SRRM5: variants seen among roughly 807,000 people sequenced by gnomAD.
The protein encoded by SRRM5 is serine/arginine repetitive matrix 5.
A neutral mutation model predicts 1.3 loss-of-function variants in SRRM5; 1 was observed. The ratio of observed to expected loss-of-function variants is 0.76; its 90% CI spans 0.27 to 3.59. SRRM5 has a LOEUF of 3.59. SRRM5 is among the 30% of genes most tolerant of loss of function. The pLI is 0.19. For missense variants in SRRM5, 875 were observed against 914.5 expected, an observed-to-expected ratio of 0.96 and a Z score of 0.56; for synonymous variants, 275 against 320.2, an observed-to-expected ratio of 0.86 and a Z score of 1.51.
chr19:43,613,215 A>G lies in SRRM5; in HGVS notation c.1094A>G (p.His365Arg). 30 of 1,551,694 alleles carry G rather than the reference A, an allele frequency of 1.9e-5. No homozygotes were observed. Among genetic ancestry groups the G allele is most frequent in the Non-Finnish European group, 2.6e-5 (30 of 1,146,986 alleles). ...AGAAACCCCAGCAAGGAAAGAAGTCATAGCCATTCCAGAAGCTCCAGCAAA... is the reference window on the plus strand; with the variant it reads ...AGAAACCCCAGCAAGGAAAGAAGTCGTAGCCATTCCAGAAGCTCCAGCAAA... ...WSRNPSKERS[H>R]SHSRSSSKER... Residue 365 changes from histidine (H) to arginine (R), a missense_variant, in exon 1 of 1, where the codon CAT becomes CGT. Transcript: ENST00000417606.
At position 43,613,976 on chromosome 19, in the gene SRRM5, C is replaced by T; in HGVS notation, c.1855C>T (p.Arg619Ter). The change falls in exon 3 of 3, where the codon CGA becomes TGA. Residue 619 changes from arginine (R) to a stop codon, truncating the protein, a stop_gained. Transcript: ENST00000607544. LOFTEE classifies it low-confidence loss of function (END_TRUNC). ...CTCCAGCAAGGAGAAAGCTCATAGCCGATCTAGAACCCCCAGCAAAGAAGG... is the reference window on the plus strand; with the variant it reads ...CTCCAGCAAGGAGAAAGCTCATAGCTGATCTAGAACCCCCAGCAAAGAAGG... The T allele has an allele frequency of 2.6e-6, 4 of 1,551,694 alleles. No homozygotes were observed. The highest frequency in any genetic ancestry group is 1.2e-5 in the South Asian group (1 of 84,064).
Position 43,614,320 on chromosome 19 carries a change from C to A in SRRM5, c.*51C>A, listed in dbSNP as rs781259151. 1.3e-6 allele frequency: 2 copies of A among 1,589,834 alleles called. No homozygotes were observed. Among genetic ancestry groups the A allele is most frequent in the African/African-American group, 2.7e-5 (2 of 74,416 alleles). Reference sequence around the variant, plus strand: ...TCTCTGTCATGACCGGGGGAGGGGACAGGAGACAGGAGCAGAGCAGCAGCT... The same window carrying A: ...TCTCTGTCATGACCGGGGGAGGGGAAAGGAGACAGGAGCAGAGCAGCAGCT... On this transcript the variant is annotated 3_prime_UTR_variant, in exon 1 of 1. Coordinates refer to ENST00000417606, the MANE Select transcript of SRRM5 (RefSeq NM_001145641.2).
In SRRM5 at chr19:43,614,038, C is replaced by T. The variant is rs370218166; in HGVS notation, c.1917C>T (p.Ser639=). The T allele has an allele frequency of 5.1e-5, 79 of 1,551,964 alleles. No homozygotes were observed. The African/African-American group carries it at 6.3e-4, about 12-fold the overall frequency. Reference sequence around the variant, plus strand: ...AATCTAGAACCTCTAGCAAGGAGAGCGACCCCAGTCAATCTACAGTCCCCA... The same window carrying T: ...AATCTAGAACCTCTAGCAAGGAGAGTGACCCCAGTCAATCTACAGTCCCCA... ...HSQSRTSSKE[S]DPSQSTVPRS... The change falls in exon 1 of 1, where the codon AGC becomes AGT. Residue 639 remains serine, a synonymous_variant. Coordinates refer to ENST00000417606, the MANE Select transcript of SRRM5 (RefSeq NM_001145641.2).
At position 43,612,811 on chromosome 19, in the gene SRRM5, G is replaced by T. The variant is rs1397238413; in HGVS notation, c.690G>T (p.Lys230Asn). 6.4e-7 allele frequency: 1 copy of T among 1,551,574 alleles called. No homozygotes were observed. Among genetic ancestry groups the T allele is most frequent in the Non-Finnish European group, 8.7e-7 (1 of 1,146,936 alleles). The change falls in exon 1 of 1, where the codon AAG (lysine) becomes AAT (asparagine). Residue 230 changes from lysine to asparagine, a missense_variant. By Grantham distance (94) the Lys-to-Asn change is moderately conservative (BLOSUM62 0). Coordinates refer to ENST00000417606, the MANE Select transcript of SRRM5 (RefSeq NM_001145641.2). This position sits in a 1 kb window ranked among gnomAD's most constrained non-coding sequence, Gnocchi z 4.2. Reference sequence around the variant, plus strand: ...CGACTGGAATTCCCTCCAAGGAGAAGAGTGACAACCCATCTCCATCCTCAT... The same window carrying T: ...CGACTGGAATTCCCTCCAAGGAGAATAGTGACAACCCATCTCCATCCTCAT... ...QTPTGIPSKE[K>N]SDNPSPSSSR...
Position 43,612,464 on chromosome 19 carries a change from AG to A in SRRM5, c.347del (p.Gly116AlafsTer30). ...CAGCGACGTGAGATGCCACCAGCGG[AG>A]GGGCACACACAGCCGGGGTAGGACA... On this transcript the variant is annotated frameshift_variant, in exon 3 of 3. Coordinates refer to the SRRM5 transcript ENST00000607544. LOFTEE classifies it low-confidence loss of function (END_TRUNC). The surrounding 1 kb of genome is among the most constrained non-coding windows in gnomAD (Gnocchi z 4.2). 1 of 1,551,594 alleles carries A rather than the reference AG, an allele frequency of 6.4e-7. No homozygotes were observed. Among genetic ancestry groups the A allele is most frequent in the Non-Finnish European group, 8.7e-7 (1 of 1,146,960 alleles).
chr19:43,613,294 A>T lies in SRRM5; in HGVS notation c.1173A>T (p.Gln391His), dbSNP rs1436471498. ...SSPRKESGRSQSGSPNKQRDH... is the reference protein window; with the variant it reads ...SSPRKESGRSHSGSPNKQRDH... ...CCAGGAAGGAGAGTGGTCGCAGTCAATCAGGAAGCCCCAACAAGCAGAGAG... is the reference window on the plus strand; with the variant it reads ...CCAGGAAGGAGAGTGGTCGCAGTCATTCAGGAAGCCCCAACAAGCAGAGAG... The change falls in exon 1 of 1, where the codon CAA becomes CAT. Residue 391 changes from glutamine to histidine, a missense_variant. Coordinates refer to ENST00000417606, the MANE Select transcript of SRRM5 (RefSeq NM_001145641.2). 6.4e-7 allele frequency: 1 copy of T among 1,551,576 alleles called. No homozygotes were observed. Among genetic ancestry groups the T allele is most frequent in the Non-Finnish European group, 8.7e-7 (1 of 1,146,978 alleles).
chr19:43,613,078 G>C lies in SRRM5; in HGVS notation c.957G>C (p.Arg319=), dbSNP rs1015954184. ...ATAGCAGGGCAAGAAGTCGCACCCG[G>C]AAGGGAATTCTGAGCCAGATGGGAA... ...RNHSRARSRT[R]KGILSQMGRH... is the part of the protein sequence containing the mutation. Residue 319 remains arginine (R), a synonymous_variant, in exon 1 of 1, where the codon CGG becomes CGC. Transcript: ENST00000417606. The C allele has an allele frequency of 6.4e-7, 1 of 1,551,454 alleles. No individual in the cohort carries two copies. Among genetic ancestry groups the C allele is most frequent in the African/African-American group, 1.4e-5 (1 of 73,014 alleles).
Position 43,614,353 on chromosome 19 carries a change from G to C in SRRM5, c.*84G>C. 6.5e-7 allele frequency: 1 copy of C among 1,547,708 alleles called. No homozygotes were observed. The highest frequency in any genetic ancestry group is 1.3e-5 in the South Asian group (1 of 79,462). ...AGGAGCAGAGCAGCAGCTGAGCAGC[G>C]TCCCTCCCCGGCCAGCTCTCCACAG... On this transcript the variant is annotated 3_prime_UTR_variant, in exon 1 of 1. Coordinates refer to ENST00000417606, the MANE Select transcript of SRRM5 (RefSeq NM_001145641.2).
At position 43,614,335 on chromosome 19, in the gene SRRM5, G is replaced by C. The variant is rs770821039; in HGVS notation, c.*66G>C. On this transcript the variant is annotated 3_prime_UTR_variant, in exon 1 of 1. Coordinates refer to ENST00000417606, the MANE Select transcript of SRRM5 (RefSeq NM_001145641.2). ...GGGGAGGGGACAGGAGACAGGAGCA[G>C]AGCAGCAGCTGAGCAGCGTCCCTCC... 1 of 1,571,496 alleles carries C rather than the reference G, an allele frequency of 6.4e-7. No homozygotes were observed. The highest frequency in any genetic ancestry group is 2.2e-5 in the East Asian group (1 of 44,638).
chr19:43,612,543 C>G lies in SRRM5; in HGVS notation c.422C>G (p.Thr141Ser). 1 of 1,551,456 alleles carries G rather than the reference C, an allele frequency of 6.4e-7. No homozygotes were observed. Among genetic ancestry groups the G allele is most frequent in the Non-Finnish European group, 8.7e-7 (1 of 1,146,974 alleles). The change falls in exon 1 of 1, where the codon ACT becomes AGT. Residue 141 changes from threonine (T) to serine (S), a missense_variant. Physicochemically the swap from Thr to Ser is moderately conservative, Grantham distance 58. Transcript: ENST00000417606. The surrounding 1 kb of genome is among the most constrained non-coding windows in gnomAD (Gnocchi z 4.2). ...SSKRSPSRAS[T>S]PGRIRTHGAR... ...AAGAGGTCACCCAGCAGGGCCAGCA[C>G]TCCTGGCAGGATAAGAACTCATGGT...
Position 43,613,000 on chromosome 19 carries a change from C to CAGT in SRRM5, c.880_882dup (p.Ser294dup). On this transcript the variant is annotated inframe_insertion, in exon 1 of 1. Coordinates refer to ENST00000417606, the MANE Select transcript of SRRM5 (RefSeq NM_001145641.2). The surrounding 1 kb of genome is among the most constrained non-coding windows in gnomAD (Gnocchi z 4.2). Reference sequence around the variant, plus strand: ...GAAGCCCCAGAAGGTCAAGAAGTGGCAGTCAGAAGAGGACGCACAGCAGAG... The same window carrying CAGT: ...GAAGCCCCAGAAGGTCAAGAAGTGGCAGTAGTCAGAAGAGGACGCACAGCAGAG... 2.6e-6 allele frequency: 4 copies of CAGT among 1,551,678 alleles called. No homozygotes were observed. The highest frequency in any genetic ancestry group is 3.5e-6 in the Non-Finnish European group (4 of 1,146,974).
At position 43,613,048 on chromosome 19, in the gene SRRM5, A is replaced by G; in HGVS notation, c.927A>G (p.Arg309=). 1.3e-6 allele frequency: 2 copies of G among 1,551,592 alleles called. No individual in the cohort carries two copies. Among genetic ancestry groups the G allele is most frequent in the Non-Finnish European group, 1.7e-6 (2 of 1,146,954 alleles). ...GAGTGAGAAGTCACAGTTGGAAGAG[A>G]AACCATAGCAGGGCAAGAAGTCGCA... ...HSRVRSHSWK[R]NHSRARSRTR... Residue 309 remains arginine, a synonymous_variant, in exon 1 of 1, where the codon AGA becomes AGG. Coordinates refer to ENST00000417606, the MANE Select transcript of SRRM5 (RefSeq NM_001145641.2).
chr19:43,613,432 C>A lies in SRRM5; in HGVS notation c.1311C>A (p.Cys437Ter). ...GAAGTCCCAACAAGGCGAGAGATTG[C>A]AGCCGATCTAGAAGTCCCTACAAGG... The change falls in exon 3 of 3, where the codon TGC (cysteine) becomes TGA (stop). Residue 437 changes from cysteine (C) to a stop codon, truncating the protein, a stop_gained. Coordinates refer to the SRRM5 transcript ENST00000607544. LOFTEE classifies it low-confidence loss of function (END_TRUNC). 6.5e-7 allele frequency: 1 copy of A among 1,544,162 alleles called. No individual in the cohort carries two copies. Among genetic ancestry groups the A allele is most frequent in the Non-Finnish European group, 8.7e-7 (1 of 1,143,834 alleles).
chr19:43,613,861 G>T lies in SRRM5; in HGVS notation c.1740G>T (p.Glu580Asp). 6.4e-7 allele frequency: 1 copy of T among 1,550,890 alleles called. No individual in the cohort carries two copies. Among genetic ancestry groups the T allele is most frequent in the Non-Finnish European group, 8.7e-7 (1 of 1,146,720 alleles). ...GGAGAAGCCCCAGCAAGGAGAGAGA[G>T]CGCAGACAATCTAGAAGCTCCAGCG... ...RRWRSPSKER[E>D]RRQSRSSSEE... is the part of the protein sequence containing the mutation. The change falls in exon 1 of 1, where the codon GAG becomes GAT. Residue 580 changes from glutamate to aspartate, a missense_variant. Physicochemically the swap from Glu to Asp is conservative, Grantham distance 45. Transcript: ENST00000417606.
chr19:43,613,910 A>T lies in SRRM5; in HGVS notation c.1789A>T (p.Arg597Ter). ...CGAGGAGAGAGATCACAGCCGATCT[A>T]GAAGCCCCAATAAGCAGAGTGGTTA... is the stretch of plus-strand genomic sequence containing the variant. The change falls in exon 3 of 3, where the codon AGA becomes TGA. Residue 597 changes from arginine to a stop codon, truncating the protein, a stop_gained. Transcript: ENST00000607544. LOFTEE classifies it low-confidence loss of function (END_TRUNC). 6.4e-7 allele frequency: 1 copy of T among 1,551,724 alleles called. No individual in the cohort carries two copies. The highest frequency in any genetic ancestry group is 8.7e-7 in the Non-Finnish European group (1 of 1,147,000).
At position 43,612,386 on chromosome 19, in the gene SRRM5, A is replaced by G; in HGVS notation, c.265A>G (p.Arg89Gly). Residue 89 changes from arginine (R) to glycine (G), a missense_variant, in exon 1 of 1, where the codon AGA (arginine) becomes GGA (glycine). Physicochemically the swap from Arg to Gly is moderately radical, Grantham distance 125. Transcript: ENST00000417606. The surrounding 1 kb of genome is among the most constrained non-coding windows in gnomAD (Gnocchi z 4.2). Reference protein sequence around the residue: ...SSRSRVRSKARTPSRVSTDTR... With the variant: ...SSRSRVRSKAGTPSRVSTDTR... ...CAGGTCCCGAGTCCGCAGCAAAGCA[A>G]GAACACCCAGCAGGGTGAGCACCGA... 6.4e-7 allele frequency: 1 copy of G among 1,551,730 alleles called. No individual in the cohort carries two copies. Among genetic ancestry groups the G allele is most frequent in the Non-Finnish European group, 8.7e-7 (1 of 1,147,000 alleles).
In SRRM5 at chr19:43,613,815, AAG is replaced by A. The variant is rs1973339676; in HGVS notation, c.1702_1703del (p.Asp568SerfsTer17). 1 of 1,549,438 alleles carries A rather than the reference AAG, an allele frequency of 6.5e-7. No homozygotes were observed. Among genetic ancestry groups the A allele is most frequent in the Non-Finnish European group, 8.7e-7 (1 of 1,145,244 alleles). ...CACAGACAATCCAGAAGCCCCAGCAAAGAGAGAGATCGCAGACGATGGAGAAG... is the reference window on the plus strand; with the variant it reads ...CACAGACAATCCAGAAGCCCCAGCAAAGAGAGATCGCAGACGATGGAGAAG... On this transcript the variant is annotated frameshift_variant, in exon 3 of 3. Transcript: ENST00000607544. LOFTEE classifies it low-confidence loss of function (END_TRUNC).
In SRRM5 at chr19:43,612,661, C is replaced by T; in HGVS notation, c.540C>T (p.Asn180=). ...GTTACGGCCGGCCTAGAACCAGCAA[C>T]AGGGAAAGGAGTGACAGCCAGCCTA... ...GKSYGRPRTS[N]RERSDSQPRN... is the part of the protein sequence containing the mutation. Residue 180 remains asparagine, a synonymous_variant, in exon 1 of 1, where the codon AAC becomes AAT. Coordinates refer to ENST00000417606, the MANE Select transcript of SRRM5 (RefSeq NM_001145641.2). This position sits in a 1 kb window ranked among gnomAD's most constrained non-coding sequence, Gnocchi z 4.2. 6.4e-7 allele frequency: 1 copy of T among 1,551,430 alleles called. No individual in the cohort carries two copies. The highest frequency in any genetic ancestry group is 8.7e-7 in the Non-Finnish European group (1 of 1,146,970).
chr19:43,612,482 G>A lies in SRRM5; in HGVS notation c.361G>A (p.Gly121Ser). The A allele has an allele frequency of 6.4e-7, 1 of 1,551,260 alleles. No individual in the cohort carries two copies. The change falls in exon 1 of 1, where the codon GGT (glycine) becomes AGT (serine). Residue 121 changes from glycine to serine, a missense_variant. Coordinates refer to ENST00000417606, the MANE Select transcript of SRRM5 (RefSeq NM_001145641.2). This position sits in a 1 kb window ranked among gnomAD's most constrained non-coding sequence, Gnocchi z 4.2. ...CHQRRGTHSR[G>S]RTPGRRGSRS... ...CCAGCGGAGGGGCACACACAGCCGG[G>A]GTAGGACACCTGGCAGAAGGGGAAG... is the stretch of plus-strand genomic sequence containing the variant.
Sources: allele counts gnomAD v4.1 joint callset, GRCh38; gene constraint gnomAD v4.1.1; non-coding constraint Gnocchi (gnomAD v3.1); transcripts MANE v1.5; gene names NCBI Gene and HGNC (gene_info 2026-07-23, HGNC 2026-07-21).